SLC35A1: variants seen among roughly 807,000 people sequenced by gnomAD.
SLC35A1 encodes solute carrier family 35 member A1.
SLC35A1 carries 21 observed loss-of-function variants against 40.3 expected under a neutral mutation model. That is an observed-to-expected ratio of 0.52 (90% CI 0.37 to 0.75). The LOEUF (loss-of-function observed/expected upper bound fraction) is 0.75. Among genes scored for constraint, SLC35A1 ranks in the 30% least tolerant of loss-of-function variants. SLC35A1 has a pLI of 0.00. For synonymous variants in SLC35A1, 146 were observed against 147.3 expected, an observed-to-expected ratio of 0.99 and a Z score of 0.06; for missense variants, 297 against 382.1, an observed-to-expected ratio of 0.78 and a Z score of 1.86.
intron 7 of SLC35A1, 144 bp from the exon 8 acceptor site, chr6:87,511,254 TG>T (rs1224615082): frequency 3.6e-6 from 3 of 839,114 alleles, no homozygotes; most frequent in Non-Finnish European, 3.8e-6. Context: ...TTGGCTGTAA[TG>T]GAAGACCTTT....
intron 2 of SLC35A1, among the ~76,000 whole-genome samples, chr6:87,491,924 G>T (rs1338007098): frequency 6.6e-6 from 1 of 152,112 alleles, no homozygotes; most frequent in Non-Finnish European, 1.5e-5. Flanking sequence ...TTGTGGATTA[G>T]GGCTTCAACA....
In SLC35A1 at chr6:87,473,020, G is replaced by T; in HGVS notation, c.16+1G>T. The T allele has an allele frequency of 3.0e-6, 2 of 665,844 alleles. No homozygotes were observed. The highest frequency in any genetic ancestry group is 4.6e-6 in the Non-Finnish European group (2 of 435,376). 41.2% of individuals were successfully genotyped at this position (665,844 alleles called of 1,614,324 possible). On this transcript the variant is annotated splice_donor_variant, in intron 1 of 7. Transcript: ENST00000369552. LOFTEE classifies it high-confidence loss of function. Reference sequence around the variant, plus strand: ...CGGGGAACCATGGCTGCCCCGAGAGGTGAGAACTGGGTCTGCTGGGAGTGG... The same window carrying T: ...CGGGGAACCATGGCTGCCCCGAGAGTTGAGAACTGGGTCTGCTGGGAGTGG...
At chr6:87,500,097 A>C (rs1174019666) in intron 2 of SLC35A1, among the ~76,000 whole-genome samples, 2 of 152,126 alleles carry the variant, frequency 1.3e-5, no homozygotes, top group Admixed American at 1.3e-4. Flanking sequence ...ACAAGACTCC[A>C]TCTCAAAAAT....
intron 2 of SLC35A1, 53 bp downstream of exon 2, chr6:87,477,592 A>G: frequency 1.4e-6 from 2 of 1,424,426 alleles, no homozygotes; most frequent in South Asian, 1.2e-5. Flanking sequence ...TGGTGAGGGT[A>G]TTTGTTAGAA....
chr6:87,511,445 T>G lies in SLC35A1; in HGVS notation c.933T>G (p.Tyr311Ter). 1 of 1,611,830 alleles carries G rather than the reference T, an allele frequency of 6.2e-7. No individual in the cohort carries two copies. Among genetic ancestry groups the G allele is most frequent in the Non-Finnish European group, 8.5e-7 (1 of 1,178,020 alleles). Residue 311 changes from tyrosine (Y) to a stop codon, truncating the protein, a stop_gained, in exon 8 of 8, where the codon TAT (tyrosine) becomes TAG (stop). Transcript: ENST00000369552. LOFTEE classifies it high-confidence loss of function. ...CTCTTCTTGTATGTGTTTCCATATA[T>G]CTCTATGGATTACCCAGACAAGACA... ...LGTLLVCVSI[Y>*]LYGLPRQDTT... is the part of the protein sequence containing the mutation.
At chr6:87,474,654 C>T (rs1023835268) in intron 1 of SLC35A1, among the ~76,000 whole-genome samples, 1 of 152,082 alleles carries the variant, frequency 6.6e-6, no homozygotes, top group Non-Finnish European at 1.5e-5. Context: ...ATGGAGTGAA[C>T]AAGAAATAGT....
chr6:87,489,016 T>C, intron 2 of SLC35A1, among the ~76,000 whole-genome samples: 1 of 152,214 alleles, frequency 6.6e-6, no homozygotes, highest in Middle Eastern at 3.2e-3. Context: ...TTCCTTAGGG[T>C]AGCTGTAGAT....
intron 2 of SLC35A1, among the ~76,000 whole-genome samples, chr6:87,486,910 C>T (rs1769407656): frequency 6.6e-6 from 1 of 152,088 alleles, no homozygotes; most frequent in East Asian, 1.9e-4. Context: ...GGTGCGGTGG[C>T]TCACACCTAT....
At chr6:87,484,909 G>T (rs1011684432) in intron 2 of SLC35A1, among the ~76,000 whole-genome samples, 2 of 152,370 alleles carry the variant, frequency 1.3e-5, no homozygotes, top group South Asian at 4.1e-4. Context: ...GGGCCATTAA[G>T]AGTGATATGA....
At chr6:87,502,818 C>G (rs543007368) in intron 4 of SLC35A1, among the ~76,000 whole-genome samples, 26 of 152,122 alleles carry the variant, frequency 1.7e-4, no homozygotes, top group Non-Finnish European at 3.4e-4. Flanking sequence ...CCCCACTGTT[C>G]CCTCAATCTG....
intron 2 of SLC35A1, among the ~76,000 whole-genome samples, chr6:87,489,725 A>T (rs1769490453): frequency 6.6e-6 from 1 of 151,558 alleles, no homozygotes; most frequent in Non-Finnish European, 1.5e-5. Context: ...TATTTCTAGT[A>T]GAGACAGGGT....
chr6:87,501,735 T>C (rs1234166143), intron 4 of SLC35A1, among the ~76,000 whole-genome samples: 2 of 152,222 alleles, frequency 1.3e-5, no homozygotes, highest in Non-Finnish European at 2.9e-5. Context: ...CATCTAGTTT[T>C]CATCTTCTCT....
chr6:87,501,834 C>A (rs1445732528), intron 4 of SLC35A1, among the ~76,000 whole-genome samples: 1 of 152,108 alleles, frequency 6.6e-6, no homozygotes, highest in Non-Finnish European at 1.5e-5. Flanking sequence ...TGATAATTAT[C>A]TTTAGTTTTT....
rs1202530574 is a variant in SLC35A1, at chr6:87,500,392, T to A, written c.195-116T>A. 8.2e-6 allele frequency: 8 copies of A among 976,170 alleles called. No individual in the cohort carries two copies. The East Asian group carries it at 2.0e-4, about 25-fold the overall frequency. 60.5% of individuals were successfully genotyped at this position (976,170 alleles called of 1,614,324 possible). On this transcript the variant is annotated intron_variant, in intron 2 of 7. Coordinates refer to ENST00000369552, the MANE Select transcript of SLC35A1 (RefSeq NM_006416.5). ...TAAAACTAGTTAGAAATTATTAGTT[T>A]GCTAAATTACAGCAAGCATAGTATG...
chr6:87,477,345 T>A lies in SLC35A1; in HGVS notation c.17-17T>A. ...TATTGTCTACTAAGTAATGTCTTTG[T>A]TGCACGTATTTTCCAGACAATGTCA... On this transcript the variant is annotated splice_polypyrimidine_tract_variant and intron_variant, in intron 1 of 7. Coordinates refer to ENST00000369552, the MANE Select transcript of SLC35A1 (RefSeq NM_006416.5). 1 of 1,605,838 alleles carries A rather than the reference T, an allele frequency of 6.2e-7. No homozygotes were observed. The highest frequency in any genetic ancestry group is 2.2e-5 in the East Asian group (1 of 44,844).
chr6:87,480,165 T>C (rs1383261385), intron 2 of SLC35A1, among the ~76,000 whole-genome samples: 1 of 152,216 alleles, frequency 6.6e-6, no homozygotes, highest in African/African-American at 2.4e-5. Flanking sequence ...ATGCCAAATT[T>C]TTCCCCGTGT....
intron 2 of SLC35A1, 130 bp downstream of exon 2, chr6:87,477,669 G>GC (rs573529161): frequency 3.6e-5 from 29 of 796,482 alleles, no homozygotes; most frequent in African/African-American, 2.4e-4. Flanking sequence ...GGGTGATTTT[G>GC]CCCCCCAGAA....
Position 87,483,437 on chromosome 6 carries a change from A to T in SLC35A1, c.194+5898A>T, listed in dbSNP as rs142005207. Among the ~76,000 whole-genome samples the T allele has an allele frequency of 2.3e-3, 343 of 152,114 alleles. 1 individual carries two copies. The highest frequency in any genetic ancestry group is 7.9e-3 in the African/African-American group (329 of 41,500). ...GTTTCTGTGAGGTTCAGCCCCCCAC[A>T]ATGGGGATTTCTCACCTCACTGAGG... On this transcript the variant is annotated intron_variant, in intron 2 of 7. Coordinates refer to ENST00000369552, the MANE Select transcript of SLC35A1 (RefSeq NM_006416.5).
At chr6:87,499,248 T>A (rs1201407135) in intron 2 of SLC35A1, 1 of 335,078 alleles carries the variant, frequency 3.0e-6, no homozygotes, top group Non-Finnish European at 4.2e-6. Flanking sequence ...AATGAAAAAA[T>A]TCAACTCACA....
Sources: gnomAD v4.1 joint callset for allele counts (sites outside exome capture counted in the v4.1 genomes callset) on GRCh38, gnomAD v4.1.1 for gene constraint, MANE v1.5 for transcripts, NCBI Gene and HGNC (gene_info 2026-07-23, HGNC 2026-07-21) for gene names.